SRGAP3: variants seen among roughly 807,000 people sequenced by gnomAD.
The protein encoded by SRGAP3 is SLIT-ROBO Rho GTPase activating protein 3.
In SRGAP3, 39 loss-of-function variants were observed where a neutral mutation model predicts 121.1. The ratio of observed to expected loss-of-function variants is 0.32; its 90% CI spans 0.25 to 0.42. The LOEUF (loss-of-function observed/expected upper bound fraction) is 0.42, where lower values mean the gene tolerates loss of function less well. Ranked by LOEUF, SRGAP3 falls within the 10% of genes least tolerant of loss-of-function variation. The pLI is 1.00. For synonymous variants in SRGAP3, 601 were observed against 570.0 expected (o/e 1.05, Z -0.77); for missense variants, 1,213 against 1,470.6 (o/e 0.82, Z 2.86).
chr3:9,184,044 G>GA (rs1032384625), intron 1 of SRGAP3, among the ~76,000 whole-genome samples: 2 of 152,018 alleles, frequency 1.3e-5, no homozygotes, highest in African/African-American at 4.8e-5. Flanking sequence ...GGGGCCCTTT[G>GA]AAAAAAATAC....
At chr3:9,061,732 A>AGGAG (rs1217876964) in intron 5 of SRGAP3, among the ~76,000 whole-genome samples, 3 of 152,104 alleles carry the variant, frequency 2.0e-5, no homozygotes, top group African/African-American at 4.8e-5. Flanking sequence ...ACTGGAGGAC[A>AGGAG]GGAGGGAGGG....
At chr3:9,286,333 A>G (rs759804874) in intron 3 of SRGAP3, among the ~76,000 whole-genome samples, 3 of 151,946 alleles carry the variant, frequency 2.0e-5, no homozygotes, top group Non-Finnish European at 2.9e-5. Flanking sequence ...CCCAACACAC[A>G]CTATTTTAGA....
intron 1 of SRGAP3, among the ~76,000 whole-genome samples, chr3:9,161,886 A>T (rs1950610624): frequency 6.6e-6 from 1 of 152,142 alleles, no homozygotes; most frequent in Non-Finnish European, 1.5e-5. Flanking sequence ...ATGTAGCATC[A>T]TTCACAACAG....
chr3:9,177,148 C>G (rs551891420), intron 1 of SRGAP3, among the ~76,000 whole-genome samples: 1 of 152,166 alleles, frequency 6.6e-6, no homozygotes, highest in Non-Finnish European at 1.5e-5. Context: ...ATTCACTCAC[C>G]AACTACTGGG....
chr3:9,050,468 C>T lies in SRGAP3; in HGVS notation c.1323+2559G>A, dbSNP rs945278469. Among the ~76,000 whole-genome samples the T allele has an allele frequency of 5.3e-5, 8 of 152,236 alleles. No homozygotes were observed. In the East Asian group the frequency reaches 7.7e-4, roughly 15 times the overall value. On this transcript the variant is annotated intron_variant, in intron 9 of 21. Coordinates refer to ENST00000383836, the MANE Select transcript of SRGAP3 (RefSeq NM_014850.4). ...TAAGCTTCAACCACCTGAAGAACAA[C>T]GAATGTCCGCAAAATAAAGAATGCC...
intron 1 of SRGAP3, among the ~76,000 whole-genome samples, chr3:9,209,871 C>T (rs945242074): frequency 6.6e-6 from 1 of 152,054 alleles, no homozygotes; most frequent in Admixed American, 6.6e-5. Flanking sequence ...TTCACAATAG[C>T]CAAAAACTGG....
intron 14 of SRGAP3, among the ~76,000 whole-genome samples, chr3:9,023,342 C>A (rs772977095): frequency 3.9e-5 from 6 of 152,184 alleles, no homozygotes; most frequent in Non-Finnish European, 5.9e-5. Context: ...CCAGTGCTGC[C>A]AAGAGAGGCT....
intron 18 of SRGAP3, chr3:9,006,954 C>CTTTTTTT (rs891322969): frequency 3.6e-4 from 38 of 106,616 alleles, no homozygotes; most frequent in African/African-American, 1.3e-3. Context: ...GGTATAGAAT[C>CTTTTTTT]TTTTTTTTTT....
At chr3:9,332,958 CT>C (rs1339788950) in intron 1 of SRGAP3, among the ~76,000 whole-genome samples, 1 of 152,198 alleles carries the variant, frequency 6.6e-6, no homozygotes, top group Non-Finnish European at 1.5e-5. Flanking sequence ...ATGGAACCCA[CT>C]ATACCAAGAG....
chr3:9,172,093 C>CT (rs1553684903), intron 1 of SRGAP3, among the ~76,000 whole-genome samples: 3,571 of 90,162 alleles, frequency 0.04, 86 homozygotes, highest in African/African-American at 0.044. Flanking sequence ...TTTTTCTTTT[C>CT]TTTTTTTTTT....
Position 8,985,037 on chromosome 3 carries a change from A to T in SRGAP3, c.*482T>A, listed in dbSNP as rs114868225. The T allele has an allele frequency of 6.6e-3, 1,504 of 228,790 alleles. 16 individuals carry two copies. The highest frequency in any genetic ancestry group is 0.03 in the African/African-American group (1,373 of 45,028). The allele number at this position is 228,790 out of a possible 1,614,324, so 14.2% of individuals were successfully genotyped here. ...AGTTTCATAAAAAGAAAAAGGAGAT[A>T]CTATATACACTTAGTATGCGTGTGT... On this transcript the variant is annotated 3_prime_UTR_variant, in exon 22 of 22. Coordinates refer to ENST00000383836, the MANE Select transcript of SRGAP3 (RefSeq NM_014850.4). The surrounding 1 kb of genome is among the most constrained non-coding windows in gnomAD (Gnocchi z 5.1).
chr3:9,182,507 T>C (rs956591116), intron 1 of SRGAP3, among the ~76,000 whole-genome samples: 30 of 152,276 alleles, frequency 2.0e-4, no homozygotes, highest in Admixed American at 7.8e-4. Context: ...GAGGCCTTCC[T>C]GATAGAGTGA....
At chr3:9,280,701 GA>G (rs1398112375) in intron 3 of SRGAP3, among the ~76,000 whole-genome samples, 3 of 152,238 alleles carry the variant, frequency 2.0e-5, no homozygotes, top group East Asian at 3.9e-4. Flanking sequence ...TGCAATGCCG[GA>G]TATGACAGTA....
At chr3:9,348,629 G>A (rs951968002) in intron 1 of SRGAP3, 7 of 1,028,548 alleles carry the variant, frequency 6.8e-6, no homozygotes, top group Non-Finnish European at 6.1e-6. Context: ...AGAAGAGAGT[G>A]ATCCAGACCC....
intron 4 of SRGAP3, among the ~76,000 whole-genome samples, chr3:9,065,690 A>G (rs1946398183): frequency 6.6e-6 from 1 of 152,220 alleles, no homozygotes; most frequent in Non-Finnish European, 1.5e-5. Flanking sequence ...TTTATGGCTA[A>G]GTATTCCATT....
At chr3:9,356,521 C>T (rs918911936) in intron 1 of SRGAP3, among the ~76,000 whole-genome samples, 7 of 151,616 alleles carry the variant, frequency 4.6e-5, no homozygotes, top group Non-Finnish European at 8.8e-5. Context: ...TACAGGCGCC[C>T]GCCACCACAT....
intron 3 of SRGAP3, among the ~76,000 whole-genome samples, chr3:9,313,388 T>C (rs897626848): frequency 3.3e-5 from 5 of 152,176 alleles, no homozygotes; most frequent in African/African-American, 9.7e-5. Flanking sequence ...TTATCTACTT[T>C]GAAAGGTAGC....
intron 1 of SRGAP3, among the ~76,000 whole-genome samples, chr3:9,220,255 C>T (rs1326586555): frequency 6.6e-6 from 1 of 152,168 alleles, no homozygotes; most frequent in African/African-American, 2.4e-5. Flanking sequence ...CTGATTTGAT[C>T]ACTCCATATT....
intron 4 of SRGAP3, among the ~76,000 whole-genome samples, chr3:9,079,255 T>C (rs1037563952): frequency 5.3e-5 from 8 of 152,156 alleles, no homozygotes; most frequent in South Asian, 4.1e-4. Flanking sequence ...TTGGGTAGGA[T>C]TGAGGGGCCT....
Sources: gnomAD v4.1 joint callset for allele counts (sites outside exome capture counted in the v4.1 genomes callset) on GRCh38, gnomAD v4.1.1 for gene constraint, Gnocchi (gnomAD v3.1) non-coding constraint, MANE v1.5 for transcripts, NCBI Gene and HGNC (gene_info 2026-07-23, HGNC 2026-07-21) for gene names.